Variants in GLMN observed in about 807,000 individuals in gnomAD.
GLMN encodes glomulin, FKBP associated protein.
In GLMN, 75 loss-of-function variants were observed where a neutral mutation model predicts 87.8. The observed-to-expected ratio is 0.85, with a 90% CI of 0.71 to 1.04. The LOEUF is 1.04. Among genes scored for constraint, GLMN ranks in the 50% least tolerant of loss-of-function variants. GLMN has a pLI of 0.00. For synonymous variants in GLMN, 206 were observed against 221.6 expected (o/e 0.93, Z 0.63); for missense variants, 588 against 658.8 (o/e 0.89, Z 1.18).
At chr1:92,251,250 CAG>C (rs913160286) in intron 16 of GLMN, among the ~76,000 whole-genome samples, 59 of 152,134 alleles carry the variant, frequency 3.9e-4, no homozygotes, top group African/African-American at 1.3e-3. Context: ...GGAATCAAGA[CAG>C]TGTGGTATTG....
chr1:92,343,995 T>A, the GLMN span, among the ~76,000 whole-genome samples: 1 of 152,220 alleles, frequency 6.6e-6, no homozygotes, highest in East Asian at 1.9e-4. Context: ...CAATCCATTC[T>A]TCGTTCCTCC....
chr1:92,345,396 AAAAAAG>A, the GLMN span, among the ~76,000 whole-genome samples: 472 of 148,600 alleles, frequency 3.2e-3, 3 homozygotes, highest in Non-Finnish European at 5.8e-3. Flanking sequence ...AAAAAAAAAA[AAAAAAG>A]AGAGAGAGAG....
At chr1:92,318,486 CTT>C in the GLMN span, among the ~76,000 whole-genome samples, 1 of 152,004 alleles carries the variant, frequency 6.6e-6, no homozygotes, top group Non-Finnish European at 1.5e-5. Context: ...TTTTTCCCAC[CTT>C]TTTTTTCTTT....
the GLMN span, among the ~76,000 whole-genome samples, chr1:92,317,232 G>C: frequency 2.9e-4 from 44 of 152,202 alleles, no homozygotes; most frequent in Middle Eastern, 6.8e-3. Flanking sequence ...TTGAAGGCTC[G>C]GTGCGGTGGC....
chr1:92,351,764 TC>T, the GLMN span, among the ~76,000 whole-genome samples: 1 of 152,172 alleles, frequency 6.6e-6, no homozygotes, highest in Non-Finnish European at 1.5e-5. Context: ...TGGCCCGAGT[TC>T]CTTTATGTGC....
chr1:92,332,875 A>G, the GLMN span, among the ~76,000 whole-genome samples: 13 of 152,156 alleles, frequency 8.5e-5, no homozygotes, highest in African/African-American at 3.1e-4. Context: ...AATTCTTTAT[A>G]GCCTCGTTAG....
Position 92,298,980 on chromosome 1 carries a change from G to T in GLMN, c.-86C>A. The T allele has an allele frequency of 3.5e-6, 2 of 566,838 alleles. No individual in the cohort carries two copies. The highest frequency in any genetic ancestry group is 3.0e-6 in the Non-Finnish European group (1 of 331,886). The allele number at this position is 566,838 out of a possible 1,614,324, so 35.1% of individuals were successfully genotyped here. On this transcript the variant is annotated 5_prime_UTR_variant, in exon 1 of 19. Transcript: ENST00000370360. ...GCCACCTCCTCCGGCGTCTTAGCCCGCTCTTCTGGCCCCGCCCCGCGCTAC... is the reference window on the plus strand; with the variant it reads ...GCCACCTCCTCCGGCGTCTTAGCCCTCTCTTCTGGCCCCGCCCCGCGCTAC...
Position 92,291,010 on chromosome 1 carries a change from T to C in GLMN, c.285+408A>G, listed in dbSNP as rs550505527. ...GTATTCTAGGCCTTCCATTTTCTTT[T>C]AGGGAACATACCACAAAGGAAAGAG... On this transcript the variant is annotated intron_variant, in intron 4 of 18. Coordinates refer to ENST00000370360, the MANE Select transcript of GLMN (RefSeq NM_053274.3). 2.0e-5 allele frequency among the ~76,000 whole-genome samples: 3 copies of C among 152,316 alleles called. No homozygotes were observed. In the South Asian group the frequency reaches 6.2e-4, roughly 32 times the overall value.
chr1:92,313,778 T>G, the GLMN span, among the ~76,000 whole-genome samples: 1 of 152,224 alleles, frequency 6.6e-6, no homozygotes, highest in South Asian at 2.1e-4. Flanking sequence ...CATTGAAAAT[T>G]TGTTTAGTGT....
At chr1:92,246,940 T>C (rs746190395) in intron 18 of GLMN, 122 bp downstream of exon 18, 7 of 747,298 alleles carry the variant, frequency 9.4e-6, no homozygotes, top group Admixed American at 3.6e-5. Context: ...GGTGGATCAC[T>C]TGAGCCCAGG....
rs113589120 is a variant in GLMN at position 92,298,513 on chromosome 1, C to G, written c.-31+412G>C. On this transcript the variant is annotated intron_variant, in intron 1 of 18. Transcript: ENST00000370360. ...CACAAAAATTGGGGTGCAACACAAG[C>G]TTATCTATAGGGGGTGAAGATTCAG... Among the ~76,000 whole-genome samples, 776 of 152,244 alleles carry G rather than the reference C, an allele frequency of 5.1e-3. 1 individual carries two copies. Among genetic ancestry groups the G allele is most frequent in the African/African-American group, 0.018 (741 of 41,552 alleles).
At chr1:92,283,932 C>T (rs897399519) in intron 7 of GLMN, among the ~76,000 whole-genome samples, 5 of 152,112 alleles carry the variant, frequency 3.3e-5, no homozygotes, top group African/African-American at 9.7e-5. Context: ...AGGACCTCTT[C>T]AAGGAGAACT....
At chr1:92,315,575 C>A in the GLMN span, among the ~76,000 whole-genome samples, 2 of 152,048 alleles carry the variant, frequency 1.3e-5, no homozygotes, top group African/African-American at 4.8e-5. Context: ...ATTTATTTAC[C>A]AGATTTTATA....
Position 92,259,327 on chromosome 1 carries a change from G to A in GLMN, c.1473+3536C>T, listed in dbSNP as rs145557698. Among the ~76,000 whole-genome samples the A allele has an allele frequency of 1.8e-3, 273 of 152,220 alleles. 3 individuals are homozygous for A. The highest frequency in any genetic ancestry group is 6.0e-3 in the African/African-American group (250 of 41,538). On this transcript the variant is annotated intron_variant, in intron 16 of 18. Transcript: ENST00000370360. ...CTAAGTTGGTTTTACCAGTAAAGATGGGAGCATGTTTGTACTATAATATTC... is the reference window on the plus strand; with the variant it reads ...CTAAGTTGGTTTTACCAGTAAAGATAGGAGCATGTTTGTACTATAATATTC...
At chr1:92,265,336 A>C (rs1007758885) in intron 13 of GLMN, among the ~76,000 whole-genome samples, 1 of 150,010 alleles carries the variant, frequency 6.7e-6, no homozygotes, top group African/African-American at 2.4e-5. Flanking sequence ...AAAAAAAAAA[A>C]AAACTAGATA....
the GLMN span, among the ~76,000 whole-genome samples, chr1:92,316,140 A>C: frequency 2.0e-5 from 3 of 152,236 alleles, no homozygotes; most frequent in Non-Finnish European, 4.4e-5. Flanking sequence ...AAATCAAATT[A>C]TGATTTTAAA....
chr1:92,298,336 A>G (rs1650404074), intron 1 of GLMN, among the ~76,000 whole-genome samples: 2 of 151,968 alleles, frequency 1.3e-5, no homozygotes, highest in Admixed American at 1.3e-4. Flanking sequence ...AACAAAAAAA[A>G]CCTCTCGAGC....
intron 7 of GLMN, among the ~76,000 whole-genome samples, chr1:92,285,488 T>C (rs1179604932): frequency 2.0e-5 from 3 of 152,064 alleles, no homozygotes; most frequent in East Asian, 1.9e-4. Context: ...GGGGGAGGGA[T>C]AGCATTAGGA....
chr1:92,353,609 A>T, the GLMN span, among the ~76,000 whole-genome samples: 2 of 152,214 alleles, frequency 1.3e-5, no homozygotes, highest in Non-Finnish European at 2.9e-5. Context: ...ATTCCTCAGT[A>T]TCCATAAAAT....
Sources: gnomAD v4.1 joint callset for allele counts (sites outside exome capture counted in the v4.1 genomes callset) on GRCh38, gnomAD v4.1.1 for gene constraint, MANE v1.5 for transcripts, NCBI Gene and HGNC (gene_info 2026-07-23, HGNC 2026-07-21) for gene names.